PTPDC1: variants seen among roughly 807,000 people sequenced by gnomAD.
The protein encoded by PTPDC1 is protein tyrosine phosphatase domain-containing protein 1.
A neutral mutation model predicts 75.3 loss-of-function variants in PTPDC1; 53 were observed. The ratio of observed to expected loss-of-function variants is 0.70; its 90% CI spans 0.56 to 0.88. PTPDC1 has a LOEUF of 0.88. Ranked by LOEUF, PTPDC1 falls within the 40% of genes least tolerant of loss-of-function variation. PTPDC1 has a pLI of 0.00. For missense variants in PTPDC1, 925 were observed against 998.6 expected, an observed-to-expected ratio of 0.93 and a Z score of 0.99; for synonymous variants, 349 against 366.2, an observed-to-expected ratio of 0.95 and a Z score of 0.54.
At chr9:94,090,689 A>T (rs1395799356) in intron 4 of PTPDC1, among the ~76,000 whole-genome samples, 1 of 121,908 alleles carries the variant, frequency 8.2e-6, no homozygotes, top group Non-Finnish European at 1.7e-5. Context: ...CATTTTCACG[A>T]TATTGATTCT....
intron 4 of PTPDC1, among the ~76,000 whole-genome samples, chr9:94,093,105 G>A (rs1827391272): frequency 6.6e-6 from 1 of 152,132 alleles, no homozygotes; most frequent in African/African-American, 2.4e-5. Context: ...ATATTGTTAT[G>A]TGTGAATTTG....
At position 94,084,629 on chromosome 9, in the gene PTPDC1, G is replaced by T; in HGVS notation, c.99G>T (p.Arg33=). Residue 33 remains arginine, a synonymous_variant, in exon 1 of 9, where the codon CGG becomes CGT. Transcript: ENST00000620992. ...RRHSTSDPVL[R]LQQARRGSGL... is the part of the protein sequence containing the mutation. ...ACTCCACCTCAGACCCAGTACTGCG[G>T]CTGCAGCAGGCCCGGCGGGGCTCTG... 6.2e-7 allele frequency: 1 copy of T among 1,613,418 alleles called. No individual in the cohort carries two copies. The highest frequency in any genetic ancestry group is 1.1e-5 in the South Asian group (1 of 91,016).
intron 2 of PTPDC1, among the ~76,000 whole-genome samples, chr9:94,078,766 T>G (rs527990797): frequency 6.6e-6 from 1 of 152,352 alleles, no homozygotes; most frequent in Admixed American, 6.5e-5. Flanking sequence ...GTTGAGCTGC[T>G]TGAGTGAATT....
intron 6 of PTPDC1, 68 bp downstream of exon 6, chr9:94,098,647 C>A: frequency 7.7e-7 from 1 of 1,293,024 alleles, no homozygotes; most frequent in African/African-American, 1.5e-5. Context: ...AAGTGTGATA[C>A]ATTTTCCCAA....
rs372182673 is a variant in PTPDC1 at position 94,104,299 on chromosome 9, G to A, written c.2224G>A (p.Val742Met). The A allele has an allele frequency of 5.0e-5, 81 of 1,613,632 alleles. 1 individual carries two copies. Among genetic ancestry groups the A allele is most frequent in the Middle Eastern group, 5.0e-4 (3 of 6,054 alleles). Residue 742 changes from valine to methionine, a missense_variant, in exon 8 of 9, where the codon GTG becomes ATG. Transcript: ENST00000620992. ...GGGACAGCACCAGACTATTCTCTGC[G>A]TGTTGCACTGCATAGTGAACCTGCA... is the stretch of plus-strand genomic sequence containing the variant. ...EKGQHQTILC[V>M]LHCIVNLQTI...
At chr9:94,063,585 G>A (rs1826209210) in intron 1 of PTPDC1, among the ~76,000 whole-genome samples, 1 of 152,100 alleles carries the variant, frequency 6.6e-6, no homozygotes, top group Non-Finnish European at 1.5e-5. Context: ...TTCTTTTGAA[G>A]GGAAACAGCT....
intron 1 of PTPDC1, among the ~76,000 whole-genome samples, chr9:94,047,607 CA>C (rs1250994574): frequency 6.6e-6 from 1 of 152,006 alleles, no homozygotes; most frequent in Non-Finnish European, 1.5e-5. Context: ...AAAAACCCTT[CA>C]AAAAATTAAT....
upstream of PTPDC1, among the ~76,000 whole-genome samples, chr9:94,080,301 GTTATAA>G (rs1826836255): frequency 6.6e-6 from 1 of 152,156 alleles, no homozygotes; most frequent in South Asian, 2.1e-4. Context: ...TTCTCACAGA[GTTATAA>G]TTATAGGTAC....
At chr9:94,102,040 A>G (rs934317213) in intron 7 of PTPDC1, among the ~76,000 whole-genome samples, 1 of 152,222 alleles carries the variant, frequency 6.6e-6, no homozygotes, top group Non-Finnish European at 1.5e-5. Context: ...TCATTTTAAC[A>G]TACAAGTTTA....
chr9:94,069,552 G>A (rs1185677344), intron 2 of PTPDC1, among the ~76,000 whole-genome samples: 30 of 138,526 alleles, frequency 2.2e-4, no homozygotes, highest in African/African-American at 5.8e-4. Flanking sequence ...ACAGAGTCTC[G>A]CTCTGTTTCC....
In PTPDC1 at chr9:94,095,359, C is replaced by G; in HGVS notation, c.659C>G (p.Ser220Cys). Residue 220 changes from serine to cysteine, a missense_variant, in exon 5 of 9, where the codon TCT becomes TGT. Physicochemically the swap from Ser to Cys is moderately radical, Grantham distance 112. Transcript: ENST00000620992. The part of the protein sequence containing the change: ...NFGWKDYGVA[S>C]LTTILDMVKV... ...GGATGGAAGGATTATGGTGTAGCGT[C>G]TCTTACTACTATCCTAGATATGGTG... is the stretch of plus-strand genomic sequence containing the variant. 6.2e-7 allele frequency: 1 copy of G among 1,612,558 alleles called. No homozygotes were observed. Among genetic ancestry groups the G allele is most frequent in the East Asian group, 2.2e-5 (1 of 44,852 alleles).
upstream of PTPDC1, among the ~76,000 whole-genome samples, chr9:94,081,100 C>T (rs1359229522): frequency 6.6e-6 from 1 of 151,010 alleles, no homozygotes; most frequent in Non-Finnish European, 1.5e-5. Context: ...AGCAATTCTC[C>T]TGCCTCAGCC....
chr9:94,061,243 A>G (rs1826121353), intron 1 of PTPDC1, among the ~76,000 whole-genome samples: 1 of 152,180 alleles, frequency 6.6e-6, no homozygotes, highest in Admixed American at 6.5e-5. Flanking sequence ...GGGAACACTG[A>G]TGCAAAGGGT....
At chr9:94,033,970 A>G (rs1475832261) in intron 1 of PTPDC1, among the ~76,000 whole-genome samples, 3 of 152,126 alleles carry the variant, frequency 2.0e-5, no homozygotes, top group Non-Finnish European at 2.9e-5. Context: ...TGTGCCAGGC[A>G]GTATAGTAGA....
At chr9:94,058,641 A>G (rs528624608) in intron 1 of PTPDC1, among the ~76,000 whole-genome samples, 4 of 151,942 alleles carry the variant, frequency 2.6e-5, no homozygotes, top group African/African-American at 9.7e-5. Context: ...TGGAGGGGGA[A>G]GTTGCAGTGA....
In PTPDC1 at chr9:94,048,510, C is replaced by T. The variant is rs1406815464; in HGVS notation, c.-6-16224C>T. On this transcript the variant is annotated intron_variant, in intron 1 of 9. Transcript: ENST00000375360. ...GTTGTTCAGTTTCCATGTAGTTGAG[C>T]GGTTTTGAGTGAGTTTCTTAATCCT... Among the ~76,000 whole-genome samples the T allele has an allele frequency of 3.3e-5, 5 of 152,124 alleles. No homozygotes were observed. In the South Asian group the frequency reaches 6.3e-4, roughly 19 times the overall value.
chr9:94,085,447 T>C lies in PTPDC1; in HGVS notation c.416+25T>C, dbSNP rs1441014359. 2.5e-6 allele frequency: 4 copies of C among 1,613,088 alleles called. No homozygotes were observed. The South Asian group carries it at 3.3e-5, about 13-fold the overall frequency. ...GGTGAGTGATCCTGTTGGTCTTTCA[T>C]AGCTCTGTTGGATACAGGAAGGACA... On this transcript the variant is annotated intron_variant, in intron 2 of 8. Coordinates refer to ENST00000620992, the MANE Select transcript of PTPDC1 (RefSeq NM_001253829.2).
At chr9:94,048,918 G>A (rs911551756) in intron 1 of PTPDC1, among the ~76,000 whole-genome samples, 20 of 152,184 alleles carry the variant, frequency 1.3e-4, no homozygotes, top group African/African-American at 4.6e-4. Context: ...GTTTAGGGTA[G>A]TTAGCTCTTC....
chr9:94,101,557 C>T lies in PTPDC1; in HGVS notation c.2014-9C>T, dbSNP rs371910219. On this transcript the variant is annotated splice_polypyrimidine_tract_variant and intron_variant, in intron 6 of 8. Coordinates refer to ENST00000620992, the MANE Select transcript of PTPDC1 (RefSeq NM_001253829.2). ...CTCTGTCTGTCTGTCTCTTTCTCTT[C>T]CTTTTTAGAAAGAGCTTAATTCCCG... 1.5e-4 allele frequency: 246 copies of T among 1,608,048 alleles called. 2 individuals are homozygous for T. In the South Asian group the frequency reaches 2.6e-3, roughly 17 times the overall value.
Sources: allele counts gnomAD v4.1 joint callset (sites outside exome capture counted in the v4.1 genomes callset), GRCh38; gene constraint gnomAD v4.1.1; transcripts MANE v1.5; gene names NCBI Gene and HGNC (gene_info 2026-07-23, HGNC 2026-07-21).